The following COL14A1 variants were observed in gnomAD, a reference collection of about 807,000 sequenced individuals.
COL14A1 encodes the protein collagen alpha-1(XIV) chain.
A neutral mutation model predicts 230.3 loss-of-function variants in COL14A1; 136 were observed. The ratio of observed to expected loss-of-function variants is 0.59; its 90% CI spans 0.51 to 0.68. COL14A1 has a LOEUF of 0.68. COL14A1 is among the 30% of genes least tolerant of loss of function. The pLI is 0.00. For synonymous variants in COL14A1, 792 were observed against 784.1 expected (o/e 1.01, Z -0.17); for missense variants, 1,976 against 2,215.8 (o/e 0.89, Z 2.17).
At chr8:120,303,114 T>C (rs1820765909) in intron 36 of COL14A1, among the ~76,000 whole-genome samples, 1 of 152,274 alleles carries the variant, frequency 6.6e-6, no homozygotes, top group South Asian at 2.1e-4. Flanking sequence ...GCCAAAGTTG[T>C]TTATTAGCTG....
intron 47 of COL14A1, among the ~76,000 whole-genome samples, chr8:120,370,037 G>T (rs1197523411): frequency 6.6e-6 from 1 of 152,168 alleles, no homozygotes; most frequent in African/African-American, 2.4e-5. Flanking sequence ...TGCTGTCCTT[G>T]TCTTATCACT....
intron 7 of COL14A1, among the ~76,000 whole-genome samples, chr8:120,198,132 AGGAAGGGCTTGGTTGGGCTAGGAG>A: frequency 6.6e-6 from 1 of 152,170 alleles, no homozygotes; most frequent in Non-Finnish European, 1.5e-5. Context: ...ATAATGTCCC[AGGAAGGGCTTGGTTGGGCTAGGAG>A]AAAATGAAGC....
At chr8:120,197,032 C>T in intron 6 of COL14A1, 86 bp downstream of exon 6, 1 of 1,335,138 alleles carries the variant, frequency 7.5e-7, no homozygotes, top group South Asian at 1.4e-5. Context: ...AAATTCCTTA[C>T]AAAGTGACTT....
chr8:120,170,839 CACAT>C (rs1387492479), intron 5 of COL14A1, among the ~76,000 whole-genome samples: 1 of 151,854 alleles, frequency 6.6e-6, no homozygotes, highest in Non-Finnish European at 1.5e-5. Flanking sequence ...ATTTAGTACT[CACAT>C]AATGCATTGA....
chr8:120,370,867 AT>A, intron 47 of COL14A1: 1 of 1,338,918 alleles, frequency 7.5e-7, no homozygotes. Flanking sequence ...TTCTTTTATA[AT>A]TTTGCTGAGT....
chr8:120,247,614 A>T lies in COL14A1; in HGVS notation c.2481A>T (p.Leu827Phe). 6.2e-7 allele frequency: 1 copy of T among 1,613,838 alleles called. No individual in the cohort carries two copies. The highest frequency in any genetic ancestry group is 8.5e-7 in the Non-Finnish European group (1 of 1,179,890). ...GVSVSAPGKT[L>F]PSSGPQNLRV... ...TTTTTCCTTTTCTTTTCTACTCAGT[A>T]CCATCCTCGGGGCCCCAGAACTTGC... is the stretch of plus-strand genomic sequence containing the variant. The change falls in exon 21 of 48, where the codon TTA becomes TTT. Residue 827 changes from leucine to phenylalanine, a missense_variant and splice_region_variant. Physicochemically the swap from Leu to Phe is conservative, Grantham distance 22. Transcript: ENST00000297848.
chr8:120,132,650 CT>C (rs948145102), intron 1 of COL14A1, among the ~76,000 whole-genome samples: 2 of 149,166 alleles, frequency 1.3e-5, no homozygotes, highest in African/African-American at 2.5e-5. Flanking sequence ...GGGTAACGTT[CT>C]TTTTTTTCTC....
intron 1 of COL14A1, among the ~76,000 whole-genome samples, chr8:120,143,357 G>T (rs544762666): frequency 1.8e-4 from 27 of 152,274 alleles, no homozygotes; most frequent in Admixed American, 1.2e-3. Flanking sequence ...AGTGGCTCAC[G>T]CCTGTAAACC....
chr8:120,141,508 G>A (rs557376825), intron 1 of COL14A1, among the ~76,000 whole-genome samples: 2 of 152,076 alleles, frequency 1.3e-5, no homozygotes, highest in South Asian at 4.1e-4. Context: ...TTTCACCACT[G>A]CAGCCCAGCT....
intron 23 of COL14A1, among the ~76,000 whole-genome samples, chr8:120,260,379 T>G (rs1168127886): frequency 6.6e-6 from 1 of 152,130 alleles, no homozygotes; most frequent in Non-Finnish European, 1.5e-5. Flanking sequence ...ACAAAAATTG[T>G]GTAAAATTTT....
chr8:120,345,704 G>T (rs1003947167), intron 45 of COL14A1, 141 bp downstream of exon 45: 2 of 774,172 alleles, frequency 2.6e-6, no homozygotes, highest in African/African-American at 1.8e-5. Flanking sequence ...TCAGTTTCTT[G>T]TTTATTTATC....
intron 33 of COL14A1, 83 bp from the exon 34 acceptor site, chr8:120,289,525 T>C: frequency 9.6e-6 from 12 of 1,243,986 alleles, no homozygotes; most frequent in Non-Finnish European, 1.4e-5. Flanking sequence ...TCATACTTTG[T>C]AATGATGAAT....
chr8:120,313,470 G>A (rs570164036), intron 37 of COL14A1, among the ~76,000 whole-genome samples: 43 of 152,302 alleles, frequency 2.8e-4, no homozygotes, highest in African/African-American at 8.2e-4. Context: ...GAGGAAGAAA[G>A]CAGAGGCTAG....
chr8:120,198,733 C>T (rs1817128390), intron 7 of COL14A1, among the ~76,000 whole-genome samples: 1 of 152,140 alleles, frequency 6.6e-6, no homozygotes, highest in African/African-American at 2.4e-5. Context: ...TATTGCCTGC[C>T]ACAGGCACAT....
intron 5 of COL14A1, among the ~76,000 whole-genome samples, chr8:120,178,074 T>G (rs1444946326): frequency 2.0e-5 from 3 of 151,154 alleles, no homozygotes; most frequent in Admixed American, 6.6e-5. Flanking sequence ...TAAAACCTGT[T>G]TTTTTTTTTG....
chr8:120,135,638 A>G (rs967568061), intron 1 of COL14A1, among the ~76,000 whole-genome samples: 5 of 152,094 alleles, frequency 3.3e-5, no homozygotes, highest in African/African-American at 1.2e-4. Flanking sequence ...CTTAGAGAAT[A>G]TTTGTCCATG....
intron 4 of COL14A1, among the ~76,000 whole-genome samples, chr8:120,167,349 AAAT>A (rs1815935548): frequency 1.4e-5 from 1 of 70,920 alleles, no homozygotes; most frequent in Non-Finnish European, 3.7e-5. Flanking sequence ...GATTTCCATG[AAAT>A]GAATGTAGCA....
chr8:120,130,744 T>TG (rs1701388107), intron 1 of COL14A1, among the ~76,000 whole-genome samples: 1 of 152,230 alleles, frequency 6.6e-6, no homozygotes, highest in Non-Finnish European at 1.5e-5. Flanking sequence ...ATTTTAAGTT[T>TG]GGGGATACAA....
intron 24 of COL14A1, among the ~76,000 whole-genome samples, chr8:120,266,046 G>T (rs1460301829): frequency 6.6e-6 from 1 of 151,978 alleles, no homozygotes; most frequent in South Asian, 2.1e-4. Flanking sequence ...ATAGCGAGAA[G>T]AATTTTCTTA....
Sources: gnomAD v4.1 joint callset for allele counts (sites outside exome capture counted in the v4.1 genomes callset) on GRCh38, gnomAD v4.1.1 for gene constraint, MANE v1.5 for transcripts, NCBI Gene and HGNC (gene_info 2026-07-23, HGNC 2026-07-21) for gene names.